Variants in GINS4 observed in about 807,000 individuals in gnomAD.
GINS4 encodes the protein GINS complex subunit 4.
Under a neutral mutation model 31.1 loss-of-function variants are expected in GINS4, and 20 were observed. The ratio of observed to expected loss-of-function variants is 0.64; its 90% CI spans 0.45 to 0.93. GINS4 has a LOEUF of 0.93. Ranked by LOEUF, GINS4 falls within the 40% of genes least tolerant of loss-of-function variation. GINS4 has a pLI of 0.00. For missense variants in GINS4, 245 were observed against 273.9 expected (o/e 0.89, Z 0.75); for synonymous variants, 85 against 97.9 (o/e 0.87, Z 0.78).
chr8:41,539,887 C>A, intron 5 of GINS4, 29 bp from the exon 6 acceptor site: 2 of 1,596,682 alleles, frequency 1.3e-6, no homozygotes, highest in Non-Finnish European at 1.7e-6. Context: ...GCTGTGTACA[C>A]CACAGCGATT....
chr8:41,540,074 A>AC, intron 6 of GINS4, 70 bp downstream of exon 6: 1 of 1,081,596 alleles, frequency 9.2e-7, no homozygotes, highest in East Asian at 2.4e-5. Flanking sequence ...TCCTCTCTTC[A>AC]CTGTTTTTAC....
chr8:41,530,001 T>G lies in GINS4; in HGVS notation c.-19-183T>G, dbSNP rs1028006112. The G allele has an allele frequency of 1.3e-5, 7 of 541,880 alleles. No individual in the cohort carries two copies. The African/African-American group carries it at 1.3e-4, about 10-fold the overall frequency. The allele number at this position is 541,880 out of a possible 1,614,324, so 33.6% of individuals were successfully genotyped here. On this transcript the variant is annotated intron_variant, in intron 1 of 7. Coordinates refer to ENST00000276533, the MANE Select transcript of GINS4 (RefSeq NM_032336.3). ...TTGTTTGAGAAACGGATACCTGACC[T>G]AAGCCTTGGAGGAAGAGGCAGACAC...
At chr8:41,530,120 A>G in intron 1 of GINS4, 64 bp from the exon 2 acceptor site, 1 of 1,037,276 alleles carries the variant, frequency 9.6e-7, no homozygotes, top group South Asian at 1.4e-5. Context: ...CTCCAGATAG[A>G]TGTCTGTTCT....
rs1464011175 is a variant in GINS4, at chr8:41,543,092, GA to G, written c.*1009del. The G allele has an allele frequency of 1.3e-5, 2 of 152,226 alleles. No homozygotes were observed. Among genetic ancestry groups the G allele is most frequent in the African/African-American group, 2.4e-5 (1 of 41,438 alleles). The allele number at this position is 152,226 out of a possible 1,614,324, so 9.4% of individuals were successfully genotyped here. ...CTGCGAAGATTGTAAATAGATTAAAGAAAACAGCTGTGGCCTTCTCCCGTCA... is the reference window on the plus strand; with the variant it reads ...CTGCGAAGATTGTAAATAGATTAAAGAAACAGCTGTGGCCTTCTCCCGTCA... On this transcript the variant is annotated 3_prime_UTR_variant, in exon 8 of 8. Transcript: ENST00000276533.
intron 2 of GINS4, among the ~76,000 whole-genome samples, chr8:41,534,626 A>C (rs1030228835): frequency 2.6e-5 from 4 of 152,194 alleles, no homozygotes; most frequent in African/African-American, 9.6e-5. Flanking sequence ...TGTCATGAAC[A>C]GGTTGAGAGG....
chr8:41,543,086 A>G lies in GINS4; in HGVS notation c.*999A>G, dbSNP rs1806872668. The G allele has an allele frequency of 1.3e-5, 2 of 152,234 alleles. No individual in the cohort carries two copies. The highest frequency in any genetic ancestry group is 2.4e-5 in the African/African-American group (1 of 41,442). 9.4% of individuals were successfully genotyped at this position (152,234 alleles called of 1,614,324 possible). A position where few individuals can be genotyped will look rare whatever the true frequency, so the allele number is the denominator to read the frequency against. ...TTTCTGCTGCGAAGATTGTAAATAG[A>G]TTAAAGAAAACAGCTGTGGCCTTCT... On this transcript the variant is annotated 3_prime_UTR_variant, in exon 8 of 8. Coordinates refer to ENST00000276533, the MANE Select transcript of GINS4 (RefSeq NM_032336.3).
chr8:41,540,736 C>G (rs1806826070), intron 6 of GINS4, among the ~76,000 whole-genome samples: 1 of 152,230 alleles, frequency 6.6e-6, no homozygotes, highest in African/African-American at 2.4e-5. Flanking sequence ...CATACCAAAT[C>G]AAACGAGCTC....
At chr8:41,535,279 A>G (rs899110948) in intron 2 of GINS4, among the ~76,000 whole-genome samples, 3 of 152,184 alleles carry the variant, frequency 2.0e-5, no homozygotes, top group Non-Finnish European at 4.4e-5. Context: ...CAGAGGCTGC[A>G]GTGAGCTGGG....
intron 4 of GINS4, 169 bp downstream of exon 4, chr8:41,537,462 A>G (rs189650700): frequency 8.8e-6 from 5 of 568,278 alleles, no homozygotes; most frequent in Middle Eastern, 4.8e-4. Flanking sequence ...AGATTGCTCC[A>G]CAGAAGCACA....
chr8:41,539,718 C>G lies in GINS4; in HGVS notation c.338C>G (p.Thr113Arg), dbSNP rs1417947496. 16 of 1,613,516 alleles carry G rather than the reference C, an allele frequency of 9.9e-6. No homozygotes were observed. The highest frequency in any genetic ancestry group is 1.4e-5 in the Non-Finnish European group (16 of 1,179,826). ...CCTCATGTCCTTGAGAAGGAAAAAACACGTCCTGAGGGGGAGCCTTCCAGC... is the reference window on the plus strand; with the variant it reads ...CCTCATGTCCTTGAGAAGGAAAAAAGACGTCCTGAGGGGGAGCCTTCCAGC... ...FFPHVLEKEK[T>R]RPEGEPSSLS... Residue 113 changes from threonine to arginine, a missense_variant, in exon 5 of 8, where the codon ACA (threonine) becomes AGA (arginine). Transcript: ENST00000276533.
At chr8:41,541,164 G>A (rs1806834883) in intron 6 of GINS4, among the ~76,000 whole-genome samples, 1 of 151,938 alleles carries the variant, frequency 6.6e-6, no homozygotes, top group Non-Finnish European at 1.5e-5. Context: ...TGAACTCCTG[G>A]GCTCAAGCGA....
At chr8:41,541,020 T>C (rs1042487234) in intron 6 of GINS4, among the ~76,000 whole-genome samples, 4 of 152,158 alleles carry the variant, frequency 2.6e-5, no homozygotes, top group Non-Finnish European at 5.9e-5. Flanking sequence ...TCCTAGTCTC[T>C]GTGTGTCCTA....
chr8:41,531,055 T>C (rs1415871283), intron 2 of GINS4, among the ~76,000 whole-genome samples: 3 of 152,238 alleles, frequency 2.0e-5, no homozygotes, highest in Non-Finnish European at 4.4e-5. Context: ...GCGGATCACC[T>C]GAGGTCCAGG....
At chr8:41,535,809 T>C (rs1238725637) in intron 2 of GINS4, among the ~76,000 whole-genome samples, 1 of 152,226 alleles carries the variant, frequency 6.6e-6, no homozygotes, top group Non-Finnish European at 1.5e-5. Flanking sequence ...AGCGCCTGTT[T>C]CTATTATGAT....
At position 41,537,283 on chromosome 8, in the gene GINS4, G is replaced by A. The variant is rs1488809440; in HGVS notation, c.287G>A (p.Arg96His). The A allele has an allele frequency of 4.3e-6, 7 of 1,609,644 alleles. No individual in the cohort carries two copies. The highest frequency in any genetic ancestry group is 3.3e-5 in the South Asian group (3 of 90,812). The change falls in exon 4 of 8, where the codon CGC (arginine) becomes CAC (histidine). Residue 96 changes from arginine (R) to histidine (H), a missense_variant. Arg to His is a conservative substitution (Grantham distance 29). Transcript: ENST00000276533. ...GTCCTCAGCAGCTACTTGCGGTGTC[G>A]CCTCATGAAGGTTTGACGTGGAGAT... ...RYVLSSYLRC[R>H]LMKIEKFFPH...
intron 6 of GINS4, among the ~76,000 whole-genome samples, chr8:41,541,511 C>T (rs1264936680): frequency 2.0e-5 from 3 of 152,156 alleles, no homozygotes; most frequent in Non-Finnish European, 4.4e-5. Flanking sequence ...AGGGCTTCAG[C>T]GTATGAATTG....
chr8:41,532,150 G>A (rs1178703629), intron 2 of GINS4, among the ~76,000 whole-genome samples: 1 of 152,140 alleles, frequency 6.6e-6, no homozygotes, highest in East Asian at 1.9e-4. Context: ...CACCAGGCTG[G>A]GAGAAGATAT....
rs1255346268 is a variant in GINS4, at chr8:41,541,793, G to A, written c.485-16G>A. The A allele has an allele frequency of 6.2e-7, 1 of 1,605,328 alleles. No individual in the cohort carries two copies. Among genetic ancestry groups the A allele is most frequent in the East Asian group, 2.2e-5 (1 of 44,858 alleles). ...TGGCCGAGGATTTCCTAATCACATT[G>A]TTGTTTTCCTGGCAGTTCCCAAACC... On this transcript the variant is annotated splice_polypyrimidine_tract_variant and intron_variant, in intron 6 of 7. Coordinates refer to ENST00000276533, the MANE Select transcript of GINS4 (RefSeq NM_032336.3).
intron 4 of GINS4, among the ~76,000 whole-genome samples, chr8:41,538,607 G>T (rs1449367822): frequency 1.3e-5 from 2 of 151,964 alleles, no homozygotes; most frequent in Admixed American, 6.6e-5. Context: ...ATTAAATTGG[G>T]CCATTTCCCT....
Sources: gnomAD v4.1 joint callset for allele counts (sites outside exome capture counted in the v4.1 genomes callset) on GRCh38, gnomAD v4.1.1 for gene constraint, MANE v1.5 for transcripts, NCBI Gene and HGNC (gene_info 2026-07-23, HGNC 2026-07-21) for gene names.